The following MASP2 variants were observed in gnomAD, a reference collection of about 807,000 sequenced individuals.
MASP2 encodes MBL associated serine protease 2.
A neutral mutation model predicts 57.1 loss-of-function variants in MASP2; 49 were observed. The ratio of observed to expected loss-of-function variants is 0.86; its 90% CI spans 0.68 to 1.09. The LOEUF (loss-of-function observed/expected upper bound fraction) is 1.09, where lower values mean the gene tolerates loss of function less well. Ranked by LOEUF, MASP2 falls within the 50% of genes least tolerant of loss-of-function variation. The pLI is 0.00. For synonymous variants in MASP2, 379 were observed against 340.8 expected (o/e 1.11, Z -1.24); for missense variants, 900 against 874.8 (o/e 1.03, Z -0.36).
chr1:11,046,599 G>T lies in MASP2; in HGVS notation c.369C>A (p.Asn123Lys), dbSNP rs764259519. 6.2e-7 allele frequency: 1 copy of T among 1,613,834 alleles called. No individual in the cohort carries two copies. The highest frequency in any genetic ancestry group is 8.5e-7 in the Non-Finnish European group (1 of 1,180,036). The change falls in exon 3 of 11, where the codon AAC (asparagine) becomes AAA (lysine). Residue 123 changes from asparagine (N) to lysine (K), a missense_variant. Transcript: ENST00000400897. Reference protein sequence around the residue: ...LDITFRSDYSNEKPFTGFEAF... With the variant: ...LDITFRSDYSKEKPFTGFEAF... ...CCTCGAACCCCGTGAACGGCTTCTC[G>T]TTGGAGTAGTCGGAGCGGAAGGTAA... is the stretch of plus-strand genomic sequence containing the variant.
rs201988936 is a variant in MASP2, at chr1:11,030,217, G to T, written c.1256C>A (p.Thr419Lys). ...GAGTGATTTTTCTCCTTTGGAGCTC[G>T]TCCAGAATCCATCAGCCTCACACAC... Reference protein sequence around the residue: ...KYVCEADGFWTSSKGEKSLPV... With the variant: ...KYVCEADGFWKSSKGEKSLPV... The change falls in exon 10 of 11, where the codon ACG becomes AAG. Residue 419 changes from threonine (T) to lysine (K), a missense_variant. Thr to Lys is a moderately conservative substitution (Grantham distance 78). Transcript: ENST00000400897. 1.5e-5 allele frequency: 25 copies of T among 1,613,362 alleles called. No homozygotes were observed. Among genetic ancestry groups the T allele is most frequent in the African/African-American group, 1.1e-4 (8 of 74,836 alleles).
In MASP2 at chr1:11,027,086, G is replaced by T. The variant is rs1484880650; in HGVS notation, c.1860C>A (p.Gly620=). 2 of 1,600,276 alleles carry T rather than the reference G, an allele frequency of 1.2e-6. No homozygotes were observed. Among genetic ancestry groups the T allele is most frequent in the Non-Finnish European group, 1.7e-6 (2 of 1,172,912 alleles). The part of the protein sequence containing the change: ...GSVTANMLCA[G]LESGGKDSCR... ...AGCTGTCCTTGCCCCCACTTTCTAAGCCAGCACAAAGCATGTTAGCAGTTA... is the reference window on the plus strand; with the variant it reads ...AGCTGTCCTTGCCCCCACTTTCTAATCCAGCACAAAGCATGTTAGCAGTTA... Residue 620 remains glycine, a synonymous_variant, in exon 11 of 11, where the codon GGC becomes GGA. Coordinates refer to ENST00000400897, the MANE Select transcript of MASP2 (RefSeq NM_006610.4).
intron 2 of MASP2, 61 bp from the exon 3 acceptor site, chr1:11,046,794 C>G: frequency 1.3e-6 from 2 of 1,566,978 alleles, no homozygotes; most frequent in Non-Finnish European, 1.7e-6. Flanking sequence ...CCCTCCTGGC[C>G]AAGCCTGGCC....
In MASP2 at chr1:11,027,431, T is replaced by TA. The variant is rs757481067; in HGVS notation, c.1514dup (p.Ser506IlefsTer10). 1.9e-6 allele frequency: 3 copies of TA among 1,614,214 alleles called. No individual in the cohort carries two copies. The highest frequency in any genetic ancestry group is 2.2e-5 in the South Asian group (2 of 91,090). On this transcript the variant is annotated frameshift_variant, in exon 11 of 11. Coordinates refer to ENST00000400897, the MANE Select transcript of MASP2 (RefSeq NM_006610.4). LOFTEE classifies it low-confidence loss of function (END_TRUNC). ...ACCAGGCTTGTGTATAATGAGGTGA[T>TA]AGTCTTTTCAGGGTGCCCATTCGAA...
chr1:11,040,500 G>A (rs1638392907), intron 6 of MASP2, among the ~76,000 whole-genome samples: 1 of 151,486 alleles, frequency 6.6e-6, no homozygotes, highest in African/African-American at 2.4e-5. Flanking sequence ...GGATGGATAG[G>A]GTGGGTGGGT....
At chr1:11,034,582 C>T (rs1643874620) in intron 8 of MASP2, among the ~76,000 whole-genome samples, 1 of 151,310 alleles carries the variant, frequency 6.6e-6, no homozygotes, top group Admixed American at 6.6e-5. Flanking sequence ...CCTGTGGTCC[C>T]AGCTACTCAG....
rs760062530 is a variant in MASP2, at chr1:11,045,532, G to A, written c.420C>T (p.Asp140=). ...FEAFYAAEDI[D]ECQVAPGEAP... ...CCTCTCCCGGGGCCACCTGGCACTC[G>A]TCAATGTCTGGGGGAGAGGCAGGGC... The change falls in exon 4 of 11, where the codon GAC becomes GAT. Residue 140 remains aspartate, a synonymous_variant. Coordinates refer to ENST00000400897, the MANE Select transcript of MASP2 (RefSeq NM_006610.4). 8 of 1,606,212 alleles carry A rather than the reference G, an allele frequency of 5.0e-6. No homozygotes were observed. The highest frequency in any genetic ancestry group is 1.3e-5 in the African/African-American group (1 of 74,814).
At chr1:11,044,462 C>G (rs1473428678) in intron 4 of MASP2, among the ~76,000 whole-genome samples, 3 of 152,190 alleles carry the variant, frequency 2.0e-5, no homozygotes, top group African/African-American at 7.2e-5. Context: ...CAGTGGGAAT[C>G]ACCCCTGGAT....
intron 6 of MASP2, among the ~76,000 whole-genome samples, chr1:11,041,793 G>A (rs907519863): frequency 1.0e-3 from 151 of 151,038 alleles, no homozygotes; most frequent in African/African-American, 3.6e-3. Context: ...TGGATGGATG[G>A]ATAGAAGTAT....
chr1:11,026,873 C>T lies in MASP2; in HGVS notation c.*12G>A. ...TCTAAAAATGAAGAATCCTTGACTG[C>T]AGACACGCAAGTTAAAAATCACTAA... On this transcript the variant is annotated 3_prime_UTR_variant, in exon 11 of 11. Transcript: ENST00000400897. The T allele has an allele frequency of 6.8e-7, 1 of 1,471,970 alleles. No homozygotes were observed. Among genetic ancestry groups the T allele is most frequent in the Non-Finnish European group, 9.0e-7 (1 of 1,113,308 alleles). The allele number at this position is 1,471,970 out of a possible 1,614,324, so 91.2% of individuals were successfully genotyped here.
At chr1:11,042,618 G>C (rs1271444462) in intron 6 of MASP2, among the ~76,000 whole-genome samples, 1 of 151,930 alleles carries the variant, frequency 6.6e-6, no homozygotes, top group African/African-American at 2.4e-5. Context: ...AGGATGGGTG[G>C]GTAAAAGGAT....
chr1:11,039,463 A>T (rs1046970370), intron 6 of MASP2, among the ~76,000 whole-genome samples: 2 of 149,898 alleles, frequency 1.3e-5, no homozygotes, highest in Admixed American at 6.7e-5. Flanking sequence ...AGTAAGGTAG[A>T]AGAATGGGTG....
At chr1:11,038,422 T>G (rs1430002538) in intron 6 of MASP2, among the ~76,000 whole-genome samples, 1 of 152,116 alleles carries the variant, frequency 6.6e-6, no homozygotes, top group Non-Finnish European at 1.5e-5. Flanking sequence ...CTGACAGACT[T>G]GAAACTAAAG....
intron 10 of MASP2, 67 bp downstream of exon 10, chr1:11,030,109 C>T (rs1643817348): frequency 8.5e-7 from 1 of 1,170,458 alleles, no homozygotes; most frequent in Non-Finnish European, 1.3e-6. Flanking sequence ...TAAAGCTCTC[C>T]TCACTGTCTC....
chr1:11,046,545 T>C lies in MASP2; in HGVS notation c.412+11A>G, dbSNP rs746842454. The C allele has an allele frequency of 1.2e-6, 2 of 1,613,760 alleles. No homozygotes were observed. The highest frequency in any genetic ancestry group is 1.7e-5 in the Admixed American group (1 of 60,022). ...GCAGACTGAGATGTTGCAGGACCCC[T>C]CTTGGCTCACCCTCGGCTGCATAGA... On this transcript the variant is annotated intron_variant, in intron 3 of 10. Coordinates refer to ENST00000400897, the MANE Select transcript of MASP2 (RefSeq NM_006610.4).
intron 6 of MASP2, among the ~76,000 whole-genome samples, chr1:11,039,684 T>C (rs947059948): frequency 6.8e-6 from 1 of 147,318 alleles, no homozygotes; most frequent in African/African-American, 2.5e-5. Flanking sequence ...GATGGAAGAA[T>C]AGGATTGGTA....
At chr1:11,029,405 AT>A (rs960592377) in intron 10 of MASP2, among the ~76,000 whole-genome samples, 50 of 151,218 alleles carry the variant, frequency 3.3e-4, no homozygotes, top group African/African-American at 1.1e-3. Context: ...GTCTCAAAAA[AT>A]AATAATAATA....
intron 3 of MASP2, 143 bp downstream of exon 3, chr1:11,046,413 T>G: frequency 1.1e-6 from 1 of 886,730 alleles, no homozygotes; most frequent in Non-Finnish European, 1.8e-6. Context: ...GGTCTTTGCA[T>G]TGTGGATGAT....
At chr1:11,039,852 G>A (rs1218618165) in intron 6 of MASP2, among the ~76,000 whole-genome samples, 2 of 141,104 alleles carry the variant, frequency 1.4e-5, no homozygotes, top group East Asian at 2.1e-4. Flanking sequence ...GGGTGGGTAG[G>A]TAGGTGGATA....
Sources: gnomAD v4.1 joint callset for allele counts (sites outside exome capture counted in the v4.1 genomes callset) on GRCh38, gnomAD v4.1.1 for gene constraint, MANE v1.5 for transcripts, NCBI Gene and HGNC (gene_info 2026-07-23, HGNC 2026-07-21) for gene names.